DOK6: variants seen among roughly 807,000 people sequenced by gnomAD.
DOK6 encodes downstream of tyrosine kinase 6.
In DOK6, 22 loss-of-function variants were observed where a neutral mutation model predicts 44.0. The ratio of observed to expected loss-of-function variants is 0.50; its 90% CI spans 0.36 to 0.71. The LOEUF is 0.71. Ranked by LOEUF, DOK6 falls within the 30% of genes least tolerant of loss-of-function variation. DOK6 has a pLI of 0.00. For missense variants in DOK6, 340 were observed against 416.4 expected, an observed-to-expected ratio of 0.82 and a Z score of 1.60; for synonymous variants, 166 against 145.5, an observed-to-expected ratio of 1.14 and a Z score of -1.01.
chr18:69,698,897 A>G (rs1986450645), intron 5 of DOK6, among the ~76,000 whole-genome samples: 1 of 152,164 alleles, frequency 6.6e-6, no homozygotes, highest in African/African-American at 2.4e-5. Flanking sequence ...TTACAATACT[A>G]TATTTTCGGT....
chr18:69,455,904 A>T (rs1312393930), intron 1 of DOK6, among the ~76,000 whole-genome samples: 1 of 152,154 alleles, frequency 6.6e-6, no homozygotes, highest in Non-Finnish European at 1.5e-5. Flanking sequence ...TCCCCCAAAA[A>T]AGTATAAACT....
chr18:69,506,756 C>T (rs868588057), intron 1 of DOK6, among the ~76,000 whole-genome samples: 19 of 151,906 alleles, frequency 1.3e-4, no homozygotes, highest in African/African-American at 4.6e-4. Flanking sequence ...GATAAATACC[C>T]AGACGTGGGG....
intron 1 of DOK6, among the ~76,000 whole-genome samples, chr18:69,524,714 A>C (rs1010931168): frequency 2.6e-5 from 4 of 152,008 alleles, no homozygotes; most frequent in African/African-American, 9.7e-5. Context: ...AGCCACAATA[A>C]ATAATGATTT....
At chr18:69,658,636 C>G (rs1985430680) in intron 3 of DOK6, among the ~76,000 whole-genome samples, 2 of 152,238 alleles carry the variant, frequency 1.3e-5, no homozygotes, top group Admixed American at 6.5e-5. Flanking sequence ...TTCCTTAGTT[C>G]TGCTACTTAT....
chr18:69,795,296 G>A (rs1041669803), intron 7 of DOK6, among the ~76,000 whole-genome samples: 4 of 152,050 alleles, frequency 2.6e-5, no homozygotes, highest in East Asian at 1.9e-4. Context: ...GACACCAGAC[G>A]ATGGCAAAGG....
At chr18:69,571,266 A>C (rs974319001) in intron 2 of DOK6, among the ~76,000 whole-genome samples, 2 of 152,070 alleles carry the variant, frequency 1.3e-5, no homozygotes, top group Non-Finnish European at 2.9e-5. Context: ...GAATAAACTA[A>C]AATTGAATTT....
At chr18:69,745,424 A>T (rs1978953333) in intron 6 of DOK6, among the ~76,000 whole-genome samples, 1 of 152,226 alleles carries the variant, frequency 6.6e-6, no homozygotes. Flanking sequence ...CACACATATA[A>T]CCCAATGGCT....
intron 1 of DOK6, among the ~76,000 whole-genome samples, chr18:69,563,025 A>G (rs1982876323): frequency 6.6e-6 from 1 of 152,254 alleles, no homozygotes; most frequent in Admixed American, 6.5e-5. Flanking sequence ...GAAGATATTT[A>G]TGCAGCCAAA....
Position 69,846,353 on chromosome 18 carries a change from C to T in DOK6, c.*4970C>T, listed in dbSNP as rs1367904313. 2.0e-5 allele frequency: 3 copies of T among 152,242 alleles called. No individual in the cohort carries two copies. Among genetic ancestry groups the T allele is most frequent in the African/African-American group, 7.2e-5 (3 of 41,462 alleles). The allele number at this position is 152,242 out of a possible 1,614,324, so 9.4% of individuals were successfully genotyped here. On this transcript the variant is annotated 3_prime_UTR_variant, in exon 8 of 8. Coordinates refer to ENST00000382713, the MANE Select transcript of DOK6 (RefSeq NM_152721.6). ...TTTCTCGTAGTTCCAGGGTCCTGAT[C>T]TAGGAATGTTTCCTTGGCTCCATGG...
intron 3 of DOK6, among the ~76,000 whole-genome samples, chr18:69,618,851 A>G (rs1984373391): frequency 6.6e-6 from 1 of 152,206 alleles, no homozygotes; most frequent in Non-Finnish European, 1.5e-5. Context: ...TTTTGAACAC[A>G]AGTGGTCCAA....
Position 69,739,019 on chromosome 18 carries a change from G to T in DOK6, c.654G>T (p.Met218Ile). The T allele has an allele frequency of 1.2e-6, 2 of 1,614,090 alleles. No individual in the cohort carries two copies. Among genetic ancestry groups the T allele is most frequent in the Non-Finnish European group, 1.7e-6 (2 of 1,179,954 alleles). The change falls in exon 6 of 8, where the codon ATG (methionine) becomes ATT (isoleucine). Residue 218 changes from methionine (M) to isoleucine (I), a missense_variant. This residue lies in a region of DOK6 where 22 missense variants were observed against 48.6 expected (regional missense o/e 0.45). Coordinates refer to ENST00000382713, the MANE Select transcript of DOK6 (RefSeq NM_152721.6). Reference protein sequence around the residue: ...LFTFQTREGEMIYQKVHSATL... With the variant: ...LFTFQTREGEIIYQKVHSATL... Reference sequence around the variant, plus strand: ...CTTTTCAAACAAGGGAAGGAGAAATGATCTATCAGAAGGTTCATTCTGCGA... The same window carrying T: ...CTTTTCAAACAAGGGAAGGAGAAATTATCTATCAGAAGGTTCATTCTGCGA...
At chr18:69,632,548 C>G (rs1352354798) in intron 3 of DOK6, among the ~76,000 whole-genome samples, 1 of 152,088 alleles carries the variant, frequency 6.6e-6, no homozygotes, top group Middle Eastern at 3.2e-3. Flanking sequence ...CCTCCCCACA[C>G]GGGTACAAAT....
intron 1 of DOK6, among the ~76,000 whole-genome samples, chr18:69,485,875 G>A (rs988985): frequency 0.48 from 68,183 of 140,784 alleles, 16,006 homozygotes; most frequent in Middle Eastern, 0.55. Context: ...TATAGTATAC[G>A]TATATATGTG....
At chr18:69,721,473 A>G (rs1486842627) in intron 5 of DOK6, 2 of 152,240 alleles carry the variant, frequency 1.3e-5, no homozygotes, top group Non-Finnish European at 2.9e-5. Flanking sequence ...GACAATATAA[A>G]TTATAAAAAT....
intron 3 of DOK6, among the ~76,000 whole-genome samples, chr18:69,643,034 A>G (rs568606006): frequency 6.6e-6 from 1 of 152,302 alleles, no homozygotes; most frequent in African/African-American, 2.4e-5. Context: ...AGCTCTTTAC[A>G]TACTTTGTTT....
At chr18:69,764,768 T>C (rs537612482) in intron 7 of DOK6, among the ~76,000 whole-genome samples, 2 of 152,338 alleles carry the variant, frequency 1.3e-5, no homozygotes, top group East Asian at 3.9e-4. Context: ...TGACTCCTTT[T>C]TTTTAAACAG....
chr18:69,530,947 C>T (rs944341317), intron 1 of DOK6, among the ~76,000 whole-genome samples: 1 of 151,894 alleles, frequency 6.6e-6, no homozygotes, highest in African/African-American at 2.4e-5. Context: ...TCTGGGTGCT[C>T]CTGTATTGGG....
chr18:69,750,702 C>T (rs1341186853), intron 6 of DOK6, among the ~76,000 whole-genome samples: 1 of 152,072 alleles, frequency 6.6e-6, no homozygotes, highest in East Asian at 1.9e-4. Context: ...ATAAAACTAC[C>T]CCATAGGCCA....
chr18:69,660,166 G>A (rs1985486596), intron 3 of DOK6: 3 of 151,946 alleles, frequency 2.0e-5, no homozygotes, highest in South Asian at 4.1e-4. Flanking sequence ...TCTTCCTGAA[G>A]GCCACTTTTC....
Sources: allele counts gnomAD v4.1 joint callset (sites outside exome capture counted in the v4.1 genomes callset), GRCh38; gene constraint gnomAD v4.1.1; regional missense constraint gnomAD v4.1.1; transcripts MANE v1.5; gene names NCBI Gene and HGNC (gene_info 2026-07-23, HGNC 2026-07-21).